The following XIRP2 variants were observed in gnomAD, a reference collection of about 807,000 sequenced individuals.
XIRP2 encodes the protein xin actin binding repeat containing 2, also known as xin actin-binding repeat-containing protein 2.
Under a neutral mutation model 277.0 loss-of-function variants are expected in XIRP2, and 236 were observed. That is an observed-to-expected ratio of 0.85 (90% CI 0.77 to 0.95). The LOEUF (loss-of-function observed/expected upper bound fraction) is 0.95, where lower values mean the gene tolerates loss of function less well. XIRP2 is among the 40% of genes least tolerant of loss of function. XIRP2 has a pLI of 0.00. For synonymous variants in XIRP2, 1,490 were observed against 1,416.5 expected (o/e 1.05, Z -1.17); for missense variants, 4,640 against 4,157.5 (o/e 1.12, Z -3.19).
chr2:167,118,619 G>T (rs556165939), intron 2 of XIRP2, among the ~76,000 whole-genome samples: 9 of 152,124 alleles, frequency 5.9e-5, no homozygotes, highest in African/African-American at 2.2e-4. Context: ...CCCTCTGGAG[G>T]ATGCAGCATT....
chr2:167,103,755 C>T (rs1473442130), intron 2 of XIRP2, among the ~76,000 whole-genome samples: 1 of 152,068 alleles, frequency 6.6e-6, no homozygotes, highest in East Asian at 1.9e-4. Flanking sequence ...GAATCAAACG[C>T]TAGCTGGTAT....
At chr2:167,086,853 T>C (rs1689961730) in intron 2 of XIRP2, among the ~76,000 whole-genome samples, 1 of 151,728 alleles carries the variant, frequency 6.6e-6, no homozygotes, top group Non-Finnish European at 1.5e-5. Flanking sequence ...TCTAAATTTT[T>C]TTCAAAGTTT....
At chr2:167,057,028 T>C (rs1689052540) in intron 2 of XIRP2, among the ~76,000 whole-genome samples, 1 of 152,182 alleles carries the variant, frequency 6.6e-6, no homozygotes, top group Admixed American at 6.5e-5. Flanking sequence ...ATAGTAGTTT[T>C]ACCTCACAGA....
chr2:166,939,961 T>C (rs1410645540), intron 2 of XIRP2, among the ~76,000 whole-genome samples: 1 of 152,162 alleles, frequency 6.6e-6, no homozygotes, highest in Non-Finnish European at 1.5e-5. Flanking sequence ...CTTTGTGGTG[T>C]TCTCTGTATT....
chr2:167,237,587 A>G (rs1564384), intron 5 of XIRP2, among the ~76,000 whole-genome samples: 38,995 of 152,124 alleles, frequency 0.26, 6,080 homozygotes, highest in African/African-American at 0.43. Flanking sequence ...AAAGCAGAAA[A>G]AATTTTTTAT....
At chr2:166,973,053 GC>G (rs1338217855) in intron 2 of XIRP2, among the ~76,000 whole-genome samples, 1 of 151,992 alleles carries the variant, frequency 6.6e-6, no homozygotes, top group Non-Finnish European at 1.5e-5. Context: ...TAATTAAATA[GC>G]TGAGTAAATC....
chr2:167,213,793 C>G (rs1227145363), intron 4 of XIRP2, among the ~76,000 whole-genome samples: 1 of 152,138 alleles, frequency 6.6e-6, no homozygotes, highest in Non-Finnish European at 1.5e-5. Context: ...AAACTTTCAT[C>G]TACCCGCAAG....
At chr2:166,954,873 A>G (rs544935447) in intron 2 of XIRP2, among the ~76,000 whole-genome samples, 1 of 151,538 alleles carries the variant, frequency 6.6e-6, no homozygotes, top group African/African-American at 2.4e-5. Flanking sequence ...ATGAGAACAC[A>G]GGGACACAGG....
intron 3 of XIRP2, among the ~76,000 whole-genome samples, chr2:167,154,214 G>C (rs1224742668): frequency 6.7e-6 from 1 of 149,158 alleles, no homozygotes; most frequent in East Asian, 2.0e-4. Context: ...CTTCTTTTGA[G>C]AAGTGTCTGT....
intron 2 of XIRP2, among the ~76,000 whole-genome samples, chr2:166,913,609 CA>C: frequency 6.6e-6 from 1 of 152,252 alleles, no homozygotes; most frequent in African/African-American, 2.4e-5. Flanking sequence ...AGAATTTGCA[CA>C]TTACTTCTCC....
intron 2 of XIRP2, among the ~76,000 whole-genome samples, chr2:166,933,664 C>T (rs898572985): frequency 6.7e-6 from 1 of 150,366 alleles, no homozygotes; most frequent in Non-Finnish European, 1.5e-5. Flanking sequence ...TGTAGATTAA[C>T]AAAATAATTC....
intron 2 of XIRP2, among the ~76,000 whole-genome samples, chr2:167,114,714 C>A (rs530115540): frequency 1.3e-5 from 2 of 151,438 alleles, no homozygotes; most frequent in African/African-American, 2.4e-5. Flanking sequence ...TTTGTCCTTG[C>A]GATAGTTTAC....
intron 2 of XIRP2, among the ~76,000 whole-genome samples, chr2:167,075,239 A>C (rs1273158785): frequency 6.6e-6 from 1 of 152,166 alleles, no homozygotes; most frequent in African/African-American, 2.4e-5. Flanking sequence ...AAGGCAGGGA[A>C]AAAGCATGAC....
At chr2:166,917,050 T>C (rs570800529) in intron 2 of XIRP2, among the ~76,000 whole-genome samples, 5 of 152,264 alleles carry the variant, frequency 3.3e-5, no homozygotes, top group African/African-American at 1.2e-4. Flanking sequence ...TATATGTCCT[T>C]CAGAGAAAAT....
At chr2:167,235,827 A>C (rs868601386) in intron 5 of XIRP2, among the ~76,000 whole-genome samples, 3 of 152,066 alleles carry the variant, frequency 2.0e-5, no homozygotes, top group Middle Eastern at 3.4e-3. Flanking sequence ...TAAAAATAAA[A>C]AGAGAAACCT....
intron 2 of XIRP2, among the ~76,000 whole-genome samples, chr2:167,044,847 A>G (rs913724416): frequency 1.1e-4 from 17 of 152,114 alleles, no homozygotes; most frequent in Non-Finnish European, 1.5e-5. Context: ...TACAGATTCG[A>G]TGCTATTCCT....
chr2:166,910,729 T>A (rs961300047), intron 2 of XIRP2, among the ~76,000 whole-genome samples: 12 of 152,340 alleles, frequency 7.9e-5, no homozygotes, highest in Admixed American at 7.8e-4. Context: ...AGATTTTTCC[T>A]GCTTTCTCTT....
intron 2 of XIRP2, among the ~76,000 whole-genome samples, chr2:167,054,888 AG>A (rs1422944616): frequency 6.6e-6 from 1 of 152,228 alleles, no homozygotes; most frequent in Non-Finnish European, 1.5e-5. Context: ...CAATTAAAAT[AG>A]ATTATTATGA....
At chr2:167,105,843 C>T (rs1157498322) in intron 2 of XIRP2, among the ~76,000 whole-genome samples, 1 of 151,706 alleles carries the variant, frequency 6.6e-6, no homozygotes, top group African/African-American at 2.4e-5. Flanking sequence ...TGTATTTTAG[C>T]CATTCTGATA....
Sources: gnomAD v4.1 joint callset for allele counts (sites outside exome capture counted in the v4.1 genomes callset) on GRCh38, gnomAD v4.1.1 for gene constraint, MANE v1.5 for transcripts, NCBI Gene and HGNC (gene_info 2026-07-23, HGNC 2026-07-21) for gene names.